The following GLE1 variants were observed in gnomAD, a reference collection of about 807,000 sequenced individuals.
The protein encoded by GLE1 is GLE1 RNA export mediator.
In GLE1, 78 loss-of-function variants were observed where a neutral mutation model predicts 97.3. The ratio of observed to expected loss-of-function variants is 0.80; its 90% CI spans 0.67 to 0.97. The LOEUF (loss-of-function observed/expected upper bound fraction) is 0.97. Among genes scored for constraint, GLE1 ranks in the 50% least tolerant of loss-of-function variants. GLE1 has a pLI of 0.00. For synonymous variants in GLE1, 302 were observed against 313.4 expected (o/e 0.96, Z 0.39); for missense variants, 753 against 857.5 (o/e 0.88, Z 1.52).
intron 9 of GLE1, among the ~76,000 whole-genome samples, chr9:128,531,458 G>A (rs562497297): frequency 9.9e-5 from 15 of 151,508 alleles, no homozygotes; most frequent in African/African-American, 1.2e-4. Flanking sequence ...ACCCAGGAGC[G>A]GAGGTTGCAG....
chr9:128,540,269 C>T lies in GLE1; in HGVS notation c.1965-6C>T, dbSNP rs747989050. On this transcript the variant is annotated splice_polypyrimidine_tract_variant and splice_region_variant and intron_variant, in intron 14 of 15. Transcript: ENST00000309971. ...GTGTGATTCATGTGTCTTTCTCTCC[C>T]TGTAGAATTGAAGCTATCACAAGCT... 3 of 1,586,160 alleles carry T rather than the reference C, an allele frequency of 1.9e-6. No individual in the cohort carries two copies. Among genetic ancestry groups the T allele is most frequent in the East Asian group, 4.5e-5 (2 of 44,738 alleles).
chr9:128,535,634 A>G (rs1847682380), intron 11 of GLE1, among the ~76,000 whole-genome samples: 1 of 151,672 alleles, frequency 6.6e-6, no homozygotes, highest in African/African-American at 2.4e-5. Flanking sequence ...CAGCCTGGCC[A>G]ACATGGTGAA....
chr9:128,533,260 CAAAA>C (rs368511588), intron 9 of GLE1, among the ~76,000 whole-genome samples: 2 of 127,818 alleles, frequency 1.6e-5, no homozygotes, highest in African/African-American at 2.9e-5. Flanking sequence ...CCCATCTCTA[CAAAA>C]AAAAAAAAAT....
Position 128,522,658 on chromosome 9 carries a change from A to AG in GLE1, c.433-10_433-9insG, listed in dbSNP as rs756312366. 9 of 1,498,084 alleles carry AG rather than the reference A, an allele frequency of 6.0e-6. No individual in the cohort carries two copies. The allele number at this position is 1,498,084 out of a possible 1,614,324, so 92.8% of individuals were successfully genotyped here. On this transcript the variant is annotated splice_polypyrimidine_tract_variant and intron_variant, in intron 3 of 15. Transcript: ENST00000309971. The stretch of plus-strand genomic sequence containing the variant: ...CTTAAAAAAAAAAAAAAAAAAAAAA[A>AG]CCTTTTCAGGAGGGCCTGAGGCTAT...
chr9:128,540,085 A>G (rs1166953116), intron 14 of GLE1, among the ~76,000 whole-genome samples, 190 bp from the exon 15 acceptor site: 1 of 152,128 alleles, frequency 6.6e-6, no homozygotes, highest in African/African-American at 2.4e-5. Context: ...GCATGATGGC[A>G]TGCATCTATA....
chr9:128,504,819 G>A lies in GLE1; in HGVS notation c.14G>A (p.Gly5Asp), dbSNP rs893628942. 2.3e-5 allele frequency: 37 copies of A among 1,611,112 alleles called. No individual in the cohort carries two copies. The highest frequency in any genetic ancestry group is 2.8e-5 in the Non-Finnish European group (33 of 1,177,394). Residue 5 changes from glycine to aspartate, a missense_variant, in exon 1 of 16, where the codon GGT becomes GAT. Coordinates refer to ENST00000309971, the MANE Select transcript of GLE1 (RefSeq NM_001003722.2). ...CCTTAGCCAACCATGCCGTCTGAGG[G>A]TCGCTGCTGGGAGACCTTGAAGGCC... is the stretch of plus-strand genomic sequence containing the variant. Reference protein sequence around the residue: MPSEGRCWETLKALR... With the variant: MPSEDRCWETLKALR...
chr9:128,512,859 A>G (rs148316178), intron 2 of GLE1, among the ~76,000 whole-genome samples: 83 of 152,190 alleles, frequency 5.5e-4, no homozygotes, highest in African/African-American at 1.9e-3. Context: ...GGGTTTCACC[A>G]TGTTGGTCAG....
chr9:128,511,114 G>A (rs1172116121), intron 2 of GLE1, among the ~76,000 whole-genome samples: 2 of 151,460 alleles, frequency 1.3e-5, no homozygotes, highest in Non-Finnish European at 2.9e-5. Flanking sequence ...TGAGGCACTA[G>A]AATTGCTTGA....
At position 128,534,014 on chromosome 9, in the gene GLE1, G is replaced by A. The variant is rs571693945; in HGVS notation, c.1646+63G>A. 2.0e-4 allele frequency: 231 copies of A among 1,130,774 alleles called. No individual in the cohort carries two copies. The African/African-American group carries it at 3.2e-3, about 16-fold the overall frequency. 70.0% of individuals were successfully genotyped at this position (1,130,774 alleles called of 1,614,324 possible). A position where few individuals can be genotyped will look rare whatever the true frequency, so the allele number is the denominator to read the frequency against. ...TGATTAATGAAATATAAATAGAATTGGAATTTGTTTTTCCCTCCTCACAGC... is the reference window on the plus strand; with the variant it reads ...TGATTAATGAAATATAAATAGAATTAGAATTTGTTTTTCCCTCCTCACAGC... On this transcript the variant is annotated intron_variant, in intron 11 of 15. Transcript: ENST00000309971.
intron 1 of GLE1, 88 bp from the exon 2 acceptor site, chr9:128,508,788 C>T (rs1846714656): frequency 3.7e-6 from 3 of 806,684 alleles, no homozygotes; most frequent in Non-Finnish European, 4.4e-6. Context: ...TTTATTTAGG[C>T]CTTCTTAGAT....
chr9:128,538,107 TC>T lies in GLE1; in HGVS notation c.1881+18del. 4 of 1,379,886 alleles carry T rather than the reference TC, an allele frequency of 2.9e-6. No homozygotes were observed. Among genetic ancestry groups the T allele is most frequent in the Non-Finnish European group, 4.1e-6 (4 of 967,164 alleles). 85.5% of individuals were successfully genotyped at this position (1,379,886 alleles called of 1,614,324 possible). A position where few individuals can be genotyped will look rare whatever the true frequency, so the allele number is the denominator to read the frequency against. On this transcript the variant is annotated intron_variant, in intron 13 of 15. Coordinates refer to ENST00000309971, the MANE Select transcript of GLE1 (RefSeq NM_001003722.2). ...TTCCTGGAGGTACGTAACTCAGTTA[TC>T]ACACAAGAGAAGGCCAGTGGTTGAG... is the stretch of plus-strand genomic sequence containing the variant.
chr9:128,510,939 G>A (rs563124034), intron 2 of GLE1, among the ~76,000 whole-genome samples: 2 of 150,696 alleles, frequency 1.3e-5, no homozygotes, highest in Non-Finnish European at 2.9e-5. Flanking sequence ...CACGTGTGGT[G>A]GCTCACACGT....
intron 9 of GLE1, among the ~76,000 whole-genome samples, chr9:128,528,563 A>G (rs1214194244): frequency 1.3e-5 from 2 of 152,086 alleles, no homozygotes; most frequent in African/African-American, 4.8e-5. Context: ...TCAGCTTCCC[A>G]AAGCGCTGGG....
rs559311031 is a variant in GLE1 at position 128,520,274 on chromosome 9, A to G, written c.433-2394A>G. Among the ~76,000 whole-genome samples the G allele has an allele frequency of 4.2e-3, 632 of 150,386 alleles. 7 individuals are homozygous for G. The highest frequency in any genetic ancestry group is 0.015 in the African/African-American group (611 of 41,058). On this transcript the variant is annotated intron_variant, in intron 3 of 15. Transcript: ENST00000309971. ...CCAAAAAATATATATATATATGTATATATGTGTGTATATATATGTGTATAT... is the reference window on the plus strand; with the variant it reads ...CCAAAAAATATATATATATATGTATGTATGTGTGTATATATATGTGTATAT...
intron 2 of GLE1, among the ~76,000 whole-genome samples, chr9:128,509,687 A>G (rs1846747728): frequency 6.6e-6 from 1 of 151,670 alleles, no homozygotes. Flanking sequence ...GACCCAACAC[A>G]GTGGCTCATG....
chr9:128,527,955 C>T (rs1425318085), intron 9 of GLE1, among the ~76,000 whole-genome samples: 3 of 150,060 alleles, frequency 2.0e-5, no homozygotes, highest in Admixed American at 1.3e-4. Context: ...CAGAGCGAGA[C>T]TCTGTCTCAA....
At chr9:128,532,038 T>C (rs879044327) in intron 9 of GLE1, among the ~76,000 whole-genome samples, 5 of 141,972 alleles carry the variant, frequency 3.5e-5, no homozygotes, top group African/African-American at 1.0e-4. Flanking sequence ...CATGGTTGGC[T>C]TTTTTTTTTT....
rs1847779840 is a variant in GLE1, at chr9:128,538,204, T to C, written c.1881+114T>C. On this transcript the variant is annotated intron_variant, in intron 13 of 15. Coordinates refer to ENST00000309971, the MANE Select transcript of GLE1 (RefSeq NM_001003722.2). ...ATTTGGGCCTGATAGTAAAACAGCA[T>C]GAGGTTCCAGTGTCATACATTTTTC... 6 of 712,298 alleles carry C rather than the reference T, an allele frequency of 8.4e-6. No homozygotes were observed. The Admixed American group carries it at 1.2e-4, about 14-fold the overall frequency. 44.1% of individuals were successfully genotyped at this position (712,298 alleles called of 1,614,324 possible).
At chr9:128,524,471 C>T (rs571255726) in intron 6 of GLE1, among the ~76,000 whole-genome samples, 3 of 151,762 alleles carry the variant, frequency 2.0e-5, no homozygotes, top group African/African-American at 7.3e-5. Context: ...GTGATCCTCC[C>T]ACCTTAGCCT....
Sources: gnomAD v4.1 joint callset for allele counts (sites outside exome capture counted in the v4.1 genomes callset) on GRCh38, gnomAD v4.1.1 for gene constraint, MANE v1.5 for transcripts, NCBI Gene and HGNC (gene_info 2026-07-23, HGNC 2026-07-21) for gene names.